Variants in TNR observed in about 807,000 individuals in gnomAD.
The protein encoded by TNR is tenascin R, also known as tenascin-R.
In TNR, 45 loss-of-function variants were observed where a neutral mutation model predicts 150.4. The ratio of observed to expected loss-of-function variants is 0.30; its 90% CI spans 0.24 to 0.38. The LOEUF (loss-of-function observed/expected upper bound fraction) is 0.38, where lower values mean the gene tolerates loss of function less well. Among genes scored for constraint, TNR ranks in the 10% least tolerant of loss-of-function variants. The probability of loss-of-function intolerance (pLI) is 1.00; values close to 1 mark genes in which losing one functional copy is unlikely to be tolerated. For missense variants in TNR, 1,544 were observed against 1,759.1 expected, an observed-to-expected ratio of 0.88 and a Z score of 2.19; for synonymous variants, 687 against 678.4, an observed-to-expected ratio of 1.01 and a Z score of -0.20.
chr1:175,356,250 C>G, intron 16 of TNR, 69 bp downstream of exon 16: 1 of 1,590,244 alleles, frequency 6.3e-7, no homozygotes, highest in Non-Finnish European at 8.6e-7. Context: ...ATCTAGTCCA[C>G]CACAAGAAAG....
intron 5 of TNR, 67 bp from the exon 6 acceptor site, chr1:175,393,962 C>CT: frequency 7.7e-7 from 1 of 1,299,424 alleles, no homozygotes; most frequent in South Asian, 1.2e-5. Flanking sequence ...TTGCCTGGTG[C>CT]TTTGTCTTGG....
chr1:175,486,367 C>T (rs1416593470), intron 2 of TNR, among the ~76,000 whole-genome samples: 1 of 151,250 alleles, frequency 6.6e-6, no homozygotes, highest in Non-Finnish European at 1.5e-5. Context: ...TGAGTGAGAA[C>T]ATGCGGTGTT....
At chr1:175,666,187 G>T (rs1450729457) in intron 1 of TNR, among the ~76,000 whole-genome samples, 2 of 152,200 alleles carry the variant, frequency 1.3e-5, no homozygotes, top group East Asian at 3.8e-4. Flanking sequence ...GAGACTCAGA[G>T]AGGTTGTACG....
At chr1:175,554,758 C>T (rs1219322287) in intron 1 of TNR, among the ~76,000 whole-genome samples, 1 of 152,160 alleles carries the variant, frequency 6.6e-6, no homozygotes, top group Non-Finnish European at 1.5e-5. Flanking sequence ...AAGTAGAATG[C>T]TTCTCTTTGT....
chr1:175,647,435 C>CAAAAA (rs397745737), intron 1 of TNR, among the ~76,000 whole-genome samples: 2 of 121,654 alleles, frequency 1.6e-5, no homozygotes, highest in African/African-American at 6.1e-5. Flanking sequence ...CTATTCGGTG[C>CAAAAA]AAAAAAAAAA....
At chr1:175,672,776 G>A (rs542711008) in intron 1 of TNR, among the ~76,000 whole-genome samples, 3 of 152,130 alleles carry the variant, frequency 2.0e-5, no homozygotes, top group Admixed American at 1.3e-4. Context: ...CATCCTTCAG[G>A]GCTTGGGTGT....
intron 2 of TNR, among the ~76,000 whole-genome samples, chr1:175,473,517 G>A (rs1362807527): frequency 6.6e-6 from 1 of 152,180 alleles, no homozygotes; most frequent in African/African-American, 2.4e-5. Flanking sequence ...GCTCTAGGAT[G>A]GGAAAAATGA....
intron 1 of TNR, among the ~76,000 whole-genome samples, chr1:175,685,911 T>A (rs1427603545): frequency 1.3e-5 from 2 of 151,982 alleles, no homozygotes; most frequent in African/African-American, 4.8e-5. Context: ...AGAGATTTCA[T>A]CTGGACCTGA....
At chr1:175,646,892 TG>T (rs1449661788) in intron 1 of TNR, among the ~76,000 whole-genome samples, 6 of 152,264 alleles carry the variant, frequency 3.9e-5, no homozygotes, top group Non-Finnish European at 7.3e-5. Flanking sequence ...ACTCACATTT[TG>T]GGATCCAATA....
intron 2 of TNR, among the ~76,000 whole-genome samples, chr1:175,491,808 C>G (rs1243227649): frequency 3.9e-5 from 6 of 152,012 alleles, no homozygotes; most frequent in African/African-American, 1.4e-4. Context: ...CACCACCACA[C>G]CCGGCTAATT....
chr1:175,698,335 C>T (rs1257403440), intron 1 of TNR, among the ~76,000 whole-genome samples: 2 of 152,180 alleles, frequency 1.3e-5, no homozygotes, highest in Admixed American at 1.3e-4. Context: ...GAGGCCAAAT[C>T]GAAAGGTGAC....
intron 1 of TNR, among the ~76,000 whole-genome samples, chr1:175,571,184 A>G (rs1435744309): frequency 1.3e-5 from 2 of 152,180 alleles, no homozygotes; most frequent in East Asian, 1.9e-4. Flanking sequence ...TTGAGAAGCT[A>G]TCATAACATG....
rs140747615 is a variant in TNR at position 175,681,789 on chromosome 1, G to A, written c.-165+61437C>T. Among the ~76,000 whole-genome samples the A allele has an allele frequency of 1.1e-4, 16 of 152,314 alleles. No homozygotes were observed. The South Asian group carries it at 1.2e-3, about 12-fold the overall frequency. ...GGGAAGGGCTGGGAGCAGGAGTGGGGAGTGGGGTAGGGTAGAAGGAGAAAG... is the reference window on the plus strand; with the variant it reads ...GGGAAGGGCTGGGAGCAGGAGTGGGAAGTGGGGTAGGGTAGAAGGAGAAAG... On this transcript the variant is annotated intron_variant, in intron 1 of 22. Transcript: ENST00000367674.
At chr1:175,402,200 G>T (rs1488014915) in intron 4 of TNR, among the ~76,000 whole-genome samples, 1 of 150,490 alleles carries the variant, frequency 6.6e-6, no homozygotes, top group Non-Finnish European at 1.5e-5. Context: ...CCAGCTACTC[G>T]GGAGGCTGAG....
At chr1:175,736,113 G>A (rs1001387507) in intron 1 of TNR, among the ~76,000 whole-genome samples, 33 of 152,216 alleles carry the variant, frequency 2.2e-4, no homozygotes, top group Non-Finnish European at 4.3e-4. Context: ...CCAGTCCCCA[G>A]GCCATATTAA....
intron 2 of TNR, among the ~76,000 whole-genome samples, chr1:175,491,821 T>G (rs1287253140): frequency 2.0e-5 from 3 of 152,012 alleles, no homozygotes; most frequent in Non-Finnish European, 4.4e-5. Flanking sequence ...GGCTAATTTT[T>G]TGTATTTTTA....
chr1:175,595,002 T>C (rs1662953406), intron 1 of TNR, among the ~76,000 whole-genome samples: 1 of 150,396 alleles, frequency 6.6e-6, no homozygotes, highest in Non-Finnish European at 1.5e-5. Context: ...CTGTCTCTAC[T>C]AAAAATACAA....
At chr1:175,689,515 G>A (rs984518642) in intron 1 of TNR, among the ~76,000 whole-genome samples, 6 of 152,160 alleles carry the variant, frequency 3.9e-5, no homozygotes, top group African/African-American at 1.4e-4. Flanking sequence ...TGGCTGGCCA[G>A]GCTGCCAGCT....
At chr1:175,448,905 A>C (rs928590223) in intron 2 of TNR, among the ~76,000 whole-genome samples, 2 of 152,188 alleles carry the variant, frequency 1.3e-5, no homozygotes, top group Non-Finnish European at 2.9e-5. Flanking sequence ...CTGATCCTGC[A>C]CCAACACAGA....
Sources: allele counts gnomAD v4.1 joint callset (sites outside exome capture counted in the v4.1 genomes callset), GRCh38; gene constraint gnomAD v4.1.1; transcripts MANE v1.5; gene names NCBI Gene and HGNC (gene_info 2026-07-23, HGNC 2026-07-21).